The following CSMD2 variants were observed in gnomAD, a reference collection of about 807,000 sequenced individuals.
CSMD2 encodes CUB and Sushi multiple domains 2, also known as CUB and sushi domain-containing protein 2.
CSMD2 carries 130 observed loss-of-function variants against 398.5 expected under a neutral mutation model. The ratio of observed to expected loss-of-function variants is 0.33; its 90% CI spans 0.28 to 0.38. The LOEUF is 0.38. Among genes scored for constraint, CSMD2 ranks in the 10% least tolerant of loss-of-function variants. CSMD2 has a pLI of 1.00. For missense variants in CSMD2, 3,829 were observed against 4,764.9 expected (o/e 0.80, Z 5.78); for synonymous variants, 1,828 against 1,908.5 (o/e 0.96, Z 1.10).
At chr1:33,933,652 G>A (rs1644380320) in intron 4 of CSMD2, among the ~76,000 whole-genome samples, 1 of 152,176 alleles carries the variant, frequency 6.6e-6, no homozygotes, top group African/African-American at 2.4e-5. Flanking sequence ...ATAAGGAAGG[G>A]CAGATACAGC....
intron 22 of CSMD2, among the ~76,000 whole-genome samples, chr1:33,701,165 T>A (rs868518922): frequency 2.0e-5 from 3 of 152,162 alleles, no homozygotes; most frequent in Admixed American, 6.5e-5. Context: ...CAGTAGCCTG[T>A]CTTGAGCACT....
chr1:33,961,751 C>T (rs537940253), intron 3 of CSMD2, among the ~76,000 whole-genome samples: 1 of 152,248 alleles, frequency 6.6e-6, no homozygotes, highest in South Asian at 2.1e-4. Flanking sequence ...CCCTTTCTCT[C>T]TTTCTCCCTC....
At chr1:33,597,199 C>T (rs1489000935) in intron 44 of CSMD2, among the ~76,000 whole-genome samples, 4 of 152,102 alleles carry the variant, frequency 2.6e-5, no homozygotes, top group Non-Finnish European at 4.4e-5. Flanking sequence ...CTTAGGGCTG[C>T]TTGCCTGGAG....
chr1:33,982,941 G>A lies in CSMD2; in HGVS notation c.518-46987C>T, dbSNP rs190305443. 6.6e-4 allele frequency among the ~76,000 whole-genome samples: 101 copies of A among 152,326 alleles called. 1 individual carries two copies. The highest frequency in any genetic ancestry group is 2.0e-3 in the Admixed American group (30 of 15,306). ...AGAACAAGGGATGGCAGGGCTAGGAGCCCAAGAAGGATGAATTAAAGGGGA... is the reference window on the plus strand; with the variant it reads ...AGAACAAGGGATGGCAGGGCTAGGAACCCAAGAAGGATGAATTAAAGGGGA... On this transcript the variant is annotated intron_variant, in intron 3 of 70. Transcript: ENST00000373381.
intron 2 of CSMD2, among the ~76,000 whole-genome samples, chr1:34,087,879 C>A (rs1255789254): frequency 6.6e-6 from 1 of 152,118 alleles, no homozygotes; most frequent in African/African-American, 2.4e-5. Context: ...AGGACTCTAG[C>A]CCTTTACCAA....
intron 29 of CSMD2, among the ~76,000 whole-genome samples, chr1:33,640,981 G>C (rs747446939): frequency 6.6e-6 from 1 of 152,034 alleles, no homozygotes; most frequent in Non-Finnish European, 1.5e-5. Flanking sequence ...ATTCACTTTG[G>C]TCTTTCCTGT....
chr1:33,561,764 T>C (rs911380904), intron 53 of CSMD2, among the ~76,000 whole-genome samples: 4 of 151,910 alleles, frequency 2.6e-5, no homozygotes, highest in African/African-American at 7.3e-5. Flanking sequence ...CAAGGGTGAG[T>C]AGGGCTTCGC....
intron 57 of CSMD2, among the ~76,000 whole-genome samples, chr1:33,545,024 C>T (rs1353515668): frequency 1.3e-5 from 2 of 152,070 alleles, no homozygotes; most frequent in African/African-American, 4.8e-5. Flanking sequence ...GCTGACTGCT[C>T]TCACTTTAAA....
At chr1:33,947,581 C>T (rs143200281) in intron 3 of CSMD2, among the ~76,000 whole-genome samples, 5 of 152,256 alleles carry the variant, frequency 3.3e-5, no homozygotes, top group East Asian at 1.9e-4. Context: ...TCCAGACCCA[C>T]GGCCTCTCTC....
At chr1:33,650,425 G>C (rs1643694347) in intron 28 of CSMD2, among the ~76,000 whole-genome samples, 2 of 152,262 alleles carry the variant, frequency 1.3e-5, no homozygotes, top group South Asian at 4.1e-4. Flanking sequence ...GATAGGACAA[G>C]GAGGGAACAG....
chr1:33,605,922 G>A, intron 41 of CSMD2: 1 of 1,613,972 alleles, frequency 6.2e-7, no homozygotes, highest in African/African-American at 1.3e-5. Flanking sequence ...AGTTGAGTTG[G>A]TTCTTTCCAA....
At chr1:33,908,085 CAAAAAAAA>C (rs35932181) in intron 5 of CSMD2, among the ~76,000 whole-genome samples, 1 of 77,166 alleles carries the variant, frequency 1.3e-5, no homozygotes, top group African/African-American at 6.1e-5. Context: ...GACTCCATCT[CAAAAAAAA>C]AAAAAAAAAA....
At chr1:34,099,226 T>G (rs1305183201) in intron 1 of CSMD2, among the ~76,000 whole-genome samples, 1 of 152,222 alleles carries the variant, frequency 6.6e-6, no homozygotes, top group African/African-American at 2.4e-5. Context: ...CCTGGTAATG[T>G]CACTGCATCA....
intron 2 of CSMD2, among the ~76,000 whole-genome samples, chr1:34,037,516 G>A (rs1363628961): frequency 6.6e-6 from 1 of 152,184 alleles, no homozygotes; most frequent in Non-Finnish European, 1.5e-5. Flanking sequence ...CCCCAGCAAG[G>A]CCAGACCTAT....
intron 3 of CSMD2, among the ~76,000 whole-genome samples, chr1:33,960,153 G>A (rs929006262): frequency 1.3e-5 from 2 of 152,102 alleles, no homozygotes; most frequent in African/African-American, 2.4e-5. Context: ...GCTGACTGTC[G>A]TCTTCCAACT....
chr1:33,625,316 C>T, intron 33 of CSMD2, 62 bp from the exon 34 acceptor site: 1 of 1,460,570 alleles, frequency 6.8e-7, no homozygotes, highest in South Asian at 1.2e-5. Flanking sequence ...CAGGGACGGA[C>T]ATACAACGGG....
intron 3 of CSMD2, among the ~76,000 whole-genome samples, chr1:34,011,819 T>A (rs578116057): frequency 1.5e-4 from 23 of 152,298 alleles, no homozygotes; most frequent in African/African-American, 5.3e-4. Context: ...TAGGTCTTAT[T>A]CATGATAATG....
At chr1:33,736,361 G>A (rs1328611058) in intron 15 of CSMD2, among the ~76,000 whole-genome samples, 2 of 151,858 alleles carry the variant, frequency 1.3e-5, no homozygotes, top group East Asian at 3.9e-4. Flanking sequence ...GGCGCCTGTA[G>A]TCCCAGCTAC....
intron 5 of CSMD2, among the ~76,000 whole-genome samples, chr1:33,875,292 A>G (rs576653527): frequency 1.3e-5 from 2 of 152,334 alleles, no homozygotes; most frequent in East Asian, 3.9e-4. Context: ...TGGACTTCAG[A>G]AAAGAAGGGG....
Sources: gnomAD v4.1 joint callset for allele counts (sites outside exome capture counted in the v4.1 genomes callset) on GRCh38, gnomAD v4.1.1 for gene constraint, MANE v1.5 for transcripts, NCBI Gene and HGNC (gene_info 2026-07-23, HGNC 2026-07-21) for gene names.